ATL2: variants seen among roughly 807,000 people sequenced by gnomAD.
ATL2 encodes the protein atlastin GTPase 2.
In ATL2, 31 loss-of-function variants were observed where a neutral mutation model predicts 73.9. That is an observed-to-expected ratio of 0.42 (90% CI 0.32 to 0.57). The LOEUF is 0.57. Among genes scored for constraint, ATL2 ranks in the 20% least tolerant of loss-of-function variants. ATL2 has a pLI of 0.14. For synonymous variants in ATL2, 291 were observed against 237.5 expected (o/e 1.23, Z -2.07); for missense variants, 738 against 702.6 (o/e 1.05, Z -0.57).
At chr2:38,314,528 G>T (rs182114189) in intron 6 of ATL2, 80 bp downstream of exon 6, 4 of 946,996 alleles carry the variant, frequency 4.2e-6, no homozygotes, top group Non-Finnish European at 6.7e-6. Flanking sequence ...TAATATCCTG[G>T]TGTCTCCAAA....
At chr2:38,348,787 A>C (rs1670172068) in intron 1 of ATL2, among the ~76,000 whole-genome samples, 2 of 152,060 alleles carry the variant, frequency 1.3e-5, no homozygotes, top group Non-Finnish European at 2.9e-5. Flanking sequence ...ACAAAGGGCT[A>C]ATATCCAGAA....
intron 1 of ATL2, among the ~76,000 whole-genome samples, chr2:38,353,255 T>C (rs914954733): frequency 2.6e-5 from 4 of 151,986 alleles, no homozygotes; most frequent in South Asian, 4.1e-4. Context: ...CAAAAAACTA[T>C]AGAAACTATT....
chr2:38,368,214 G>A (rs992070825), intron 1 of ATL2, among the ~76,000 whole-genome samples: 8 of 149,168 alleles, frequency 5.4e-5, no homozygotes, highest in Non-Finnish European at 8.9e-5. Flanking sequence ...CATTACAGGC[G>A]TAAGCCACCG....
At chr2:38,372,123 G>GTT (rs371482809) in intron 1 of ATL2, among the ~76,000 whole-genome samples, 39,777 of 124,740 alleles carry the variant, frequency 0.32, 6,389 homozygotes, top group South Asian at 0.44. Context: ...CATGTTAATT[G>GTT]TTTTTTTTTT....
At chr2:38,335,669 T>C (rs1669315813) in intron 2 of ATL2, among the ~76,000 whole-genome samples, 1 of 146,036 alleles carries the variant, frequency 6.8e-6, no homozygotes, top group Non-Finnish European at 1.5e-5. Flanking sequence ...CAGTGGTTAC[T>C]ATAACATATA....
chr2:38,353,680 G>A (rs144780761), intron 1 of ATL2, among the ~76,000 whole-genome samples: 5 of 152,224 alleles, frequency 3.3e-5, no homozygotes, highest in African/African-American at 1.2e-4. Flanking sequence ...ACACAGAGCA[G>A]AATATTCAAG....
chr2:38,376,609 T>C (rs981145394), intron 1 of ATL2: 38 of 154,200 alleles, frequency 2.5e-4, no homozygotes, highest in Admixed American at 2.0e-3. Context: ...TCTAAGGAGC[T>C]TTCGGACCCG....
chr2:38,351,019 T>C (rs1049063663), intron 1 of ATL2, among the ~76,000 whole-genome samples: 4 of 152,148 alleles, frequency 2.6e-5, no homozygotes, highest in Admixed American at 6.5e-5. Flanking sequence ...ACTAAACTTA[T>C]AAAAAGAGAA....
rs527417415 is a variant in ATL2 at position 38,324,028 on chromosome 2, C to A, written c.364-5009G>T. 3.3e-5 allele frequency among the ~76,000 whole-genome samples: 5 copies of A among 152,328 alleles called. No individual in the cohort carries two copies. The South Asian group carries it at 1.0e-3, about 32-fold the overall frequency. ...AGGTGGCTCACGCCTGTAATCCCAGCACTTTGGGAAGCCGAGGCGGGCGGA... is the reference window on the plus strand; with the variant it reads ...AGGTGGCTCACGCCTGTAATCCCAGAACTTTGGGAAGCCGAGGCGGGCGGA... On this transcript the variant is annotated intron_variant, in intron 2 of 12. Coordinates refer to ENST00000378954, the MANE Select transcript of ATL2 (RefSeq NM_001135673.4).
intron 1 of ATL2, chr2:38,354,303 A>G (rs566584651): frequency 1.7e-4 from 44 of 262,788 alleles, no homozygotes; most frequent in African/African-American, 9.5e-4. Context: ...CTTCCTATTG[A>G]TCTGAATCCA....
At chr2:38,316,936 AAG>A (rs1232193759) in intron 4 of ATL2, among the ~76,000 whole-genome samples, 1 of 152,142 alleles carries the variant, frequency 6.6e-6, no homozygotes, top group Non-Finnish European at 1.5e-5. Flanking sequence ...CAGAGAAAAA[AAG>A]AGACTTAGAG....
chr2:38,310,953 A>C (rs78060740), intron 7 of ATL2, among the ~76,000 whole-genome samples: 6,423 of 152,194 alleles, frequency 0.042, 198 homozygotes, highest in African/African-American at 0.085. Flanking sequence ...AAACCACAAA[A>C]GATGTTTTTC....
At position 38,300,416 on chromosome 2, in the gene ATL2, TA is replaced by T. The variant is rs1478658224; in HGVS notation, c.1072-89del. The T allele has an allele frequency of 2.3e-5, 20 of 862,454 alleles. No individual in the cohort carries two copies. In the South Asian group the frequency reaches 2.5e-4, roughly 11 times the overall value. The allele number at this position is 862,454 out of a possible 1,614,324, so 53.4% of individuals were successfully genotyped here. On this transcript the variant is annotated intron_variant, in intron 9 of 12. Transcript: ENST00000378954. ...AAAGAAAAGTCATTAAATATAAAAATAATTAACACCATTAAAAGTAAATTCT... is the reference window on the plus strand; with the variant it reads ...AAAGAAAAGTCATTAAATATAAAAATATTAACACCATTAAAAGTAAATTCT...
intron 1 of ATL2, among the ~76,000 whole-genome samples, chr2:38,353,205 A>G (rs1304789665): frequency 2.0e-5 from 3 of 152,186 alleles, no homozygotes; most frequent in African/African-American, 7.2e-5. Flanking sequence ...ACTTACAGGA[A>G]AATAAAGTCT....
intron 11 of ATL2, 113 bp downstream of exon 11, chr2:38,299,143 G>A: frequency 1.1e-6 from 1 of 952,254 alleles, no homozygotes; most frequent in Non-Finnish European, 1.4e-6. Context: ...AGGGAATAAT[G>A]TACCATAAGC....
intron 12 of ATL2, 200 bp from the exon 13 acceptor site, chr2:38,296,313 C>T (rs1225536459): frequency 6.9e-7 from 1 of 1,445,020 alleles, no homozygotes; most frequent in Non-Finnish European, 9.0e-7. Context: ...TCCTCTTATT[C>T]AAACCATTTA....
At chr2:38,372,833 T>TA (rs1406004468) in intron 1 of ATL2, among the ~76,000 whole-genome samples, 1 of 152,216 alleles carries the variant, frequency 6.6e-6, no homozygotes, top group Non-Finnish European at 1.5e-5. Context: ...ATTTGATACT[T>TA]ACAATAACCC....
Position 38,318,782 on chromosome 2 carries a change from T to C in ATL2, c.498+103A>G, listed in dbSNP as rs1174789339. 4 of 1,413,846 alleles carry C rather than the reference T, an allele frequency of 2.8e-6. No homozygotes were observed. In the African/African-American group the frequency reaches 5.7e-5, roughly 20 times the overall value. 87.6% of individuals were successfully genotyped at this position (1,413,846 alleles called of 1,614,324 possible). A position where few individuals can be genotyped will look rare whatever the true frequency, so the allele number is the denominator to read the frequency against. ...TACATTTGACATAATAATCCGTATG[T>C]TAAAGTTATCAAACATTAATAGTTC... On this transcript the variant is annotated intron_variant, in intron 3 of 12. Transcript: ENST00000378954.
chr2:38,376,721 A>G (rs1217800981), intron 1 of ATL2: 1 of 152,106 alleles, frequency 6.6e-6, no homozygotes, highest in African/African-American at 2.4e-5. Context: ...GCGAACGCCC[A>G]CCAGCTAACG....
Sources: gnomAD v4.1 joint callset for allele counts (sites outside exome capture counted in the v4.1 genomes callset) on GRCh38, gnomAD v4.1.1 for gene constraint, MANE v1.5 for transcripts, NCBI Gene and HGNC (gene_info 2026-07-23, HGNC 2026-07-21) for gene names.